The following KLF8 variants were observed in gnomAD, a reference collection of about 807,000 sequenced individuals.
The protein encoded by KLF8 is Krueppel-like factor 8.
A neutral mutation model predicts 18.2 loss-of-function variants in KLF8; 10 were observed. The observed-to-expected ratio is 0.55, with a 90% confidence interval of 0.34 to 0.93. The LOEUF (loss-of-function observed/expected upper bound fraction) is 0.93, where lower values mean the gene tolerates loss of function less well. Ranked by LOEUF, KLF8 falls within the 40% of genes least tolerant of loss-of-function variation. KLF8 has a pLI of 0.02. For missense variants in KLF8, 264 were observed against 277.9 expected (o/e 0.95, Z 0.36); for synonymous variants, 109 against 97.3 (o/e 1.12, Z -0.71).
At position 56,285,603 on chromosome X, in the gene KLF8, ATTCCTGTGT is replaced by A. The variant is rs1398991832; in HGVS notation, c.*1113_*1121del. 7.1e-5 allele frequency: 8 copies of A among 112,211 alleles called. No homozygotes were observed. Among genetic ancestry groups the A allele is most frequent in the Non-Finnish European group, 1.3e-4 (7 of 53,240 alleles). The allele number at this position is 112,211 out of a possible 1,213,427, so 9.2% of individuals were successfully genotyped here. A position where few individuals can be genotyped will look rare whatever the true frequency, so the allele number is the denominator to read the frequency against. ...TCACTCCATGGAATTATTGGCATTC[ATTCCTGTGT>A]TTCAAATGAAACATAGATGCTTTTC... On this transcript the variant is annotated 3_prime_UTR_variant, in exon 6 of 6. Transcript: ENST00000468660.
At chrX:56,107,240 T>C in the KLF8 span, among the ~76,000 whole-genome samples, 1 of 112,270 alleles carries the variant, frequency 8.9e-6, no homozygotes, top group South Asian at 3.7e-4. Context: ...GGAGAACCAC[T>C]GCTCTCTTTA....
At chrX:56,270,381 CGAGAGA>C in intron 5 of KLF8, 60 bp downstream of exon 5, 7 of 779,099 alleles carry the variant, frequency 9.0e-6, no homozygotes, top group Admixed American at 9.5e-5. Context: ...CACACACACA[CGAGAGA>C]GAGAGAGAGA....
the KLF8 span, among the ~76,000 whole-genome samples, chrX:56,050,599 G>C: frequency 2.5e-4 from 28 of 112,254 alleles, no homozygotes; most frequent in Non-Finnish European, 5.3e-4. Flanking sequence ...TCTTAATCCT[G>C]AGTTCTAGTT....
At chrX:55,920,265 A>G in the KLF8 span, among the ~76,000 whole-genome samples, 1 of 111,558 alleles carries the variant, frequency 9.0e-6, no homozygotes, top group African/African-American at 3.3e-5. Context: ...AAATAATCTG[A>G]TCAACAGCCC....
At chrX:56,079,724 ATCTG>A in the KLF8 span, among the ~76,000 whole-genome samples, 1 of 110,280 alleles carries the variant, frequency 9.1e-6, no homozygotes, top group Non-Finnish European at 1.9e-5. Context: ...TGTCTTGTTG[ATCTG>A]TCTAATGTTG....
At chrX:56,026,938 G>T in the KLF8 span, among the ~76,000 whole-genome samples, 6 of 112,715 alleles carry the variant, frequency 5.3e-5, no homozygotes, top group African/African-American at 1.3e-4. Flanking sequence ...GGGACAGAGG[G>T]GTCTTGCTTT....
the KLF8 span, among the ~76,000 whole-genome samples, chrX:55,973,309 T>C: frequency 8.9e-6 from 1 of 111,799 alleles, no homozygotes; most frequent in African/African-American, 3.2e-5. Context: ...CGATTTCATG[T>C]CAAAGACTCC....
chrX:56,091,858 G>T, the KLF8 span, among the ~76,000 whole-genome samples: 1 of 111,477 alleles, frequency 9.0e-6, no homozygotes, highest in Non-Finnish European at 1.9e-5. Flanking sequence ...TTGAATGCTA[G>T]TTCCATTTTT....
At chrX:56,029,312 TG>T in the KLF8 span, among the ~76,000 whole-genome samples, 3 of 111,371 alleles carry the variant, frequency 2.7e-5, no homozygotes, top group Admixed American at 2.9e-4. Context: ...GTAAAGGAAA[TG>T]GTGGCTCTCA....
the KLF8 span, among the ~76,000 whole-genome samples, chrX:56,212,350 C>A: frequency 1.9e-5 from 1 of 53,475 alleles, no homozygotes; most frequent in Non-Finnish European, 5.2e-5. Flanking sequence ...TGTGCCCCCA[C>A]AATCCACTGT....
the KLF8 span, among the ~76,000 whole-genome samples, chrX:55,970,219 C>T: frequency 9.0e-6 from 1 of 110,783 alleles, no homozygotes; most frequent in South Asian, 3.8e-4. Context: ...TTAAAAAGAT[C>T]ATTCATCATG....
the KLF8 span, among the ~76,000 whole-genome samples, chrX:56,221,686 G>C: frequency 6.3e-5 from 7 of 111,565 alleles, no homozygotes; most frequent in African/African-American, 2.3e-4. Flanking sequence ...TTCCTCCCCG[G>C]TGGGTTCGTG....
the KLF8 span, among the ~76,000 whole-genome samples, chrX:55,973,148 G>T: frequency 6.2e-5 from 7 of 112,050 alleles, no homozygotes; most frequent in Non-Finnish European, 1.1e-4. Flanking sequence ...TAACTGGCTA[G>T]CCATAAGCAG....
chrX:55,996,703 T>C, the KLF8 span, among the ~76,000 whole-genome samples: 1 of 111,855 alleles, frequency 8.9e-6, no homozygotes, highest in South Asian at 3.8e-4. Context: ...AGCTTTTTTC[T>C]CTGGCCCCTA....
At chrX:56,174,625 A>G in the KLF8 span, among the ~76,000 whole-genome samples, 1 of 111,878 alleles carries the variant, frequency 8.9e-6, no homozygotes, top group Non-Finnish European at 1.9e-5. Flanking sequence ...TGAGTTAAGG[A>G]GGATTCCCTC....
chrX:56,026,683 C>A, the KLF8 span, among the ~76,000 whole-genome samples: 1 of 112,010 alleles, frequency 8.9e-6, no homozygotes, highest in African/African-American at 3.3e-5. Context: ...ACTAAGTCAA[C>A]CACAAATGCT....
chrX:56,049,679 T>C, the KLF8 span, among the ~76,000 whole-genome samples: 1 of 106,211 alleles, frequency 9.4e-6, no homozygotes, highest in South Asian at 4.3e-4. Flanking sequence ...CAGTATTTTA[T>C]TGAGGATTTT....
chrX:56,077,711 G>T, the KLF8 span, among the ~76,000 whole-genome samples: 1 of 111,616 alleles, frequency 9.0e-6, no homozygotes, highest in Non-Finnish European at 1.9e-5. Flanking sequence ...GGATGGCATT[G>T]AATCTATAAA....
chrX:55,934,341 A>T, the KLF8 span, among the ~76,000 whole-genome samples: 111 of 112,004 alleles, frequency 9.9e-4, no homozygotes, highest in African/African-American at 3.5e-3. Context: ...CCAAAGACTT[A>T]TCAATAATAA....
Sources: allele counts gnomAD v4.1 joint callset (sites outside exome capture counted in the v4.1 genomes callset), GRCh38; gene constraint gnomAD v4.1.1; transcripts MANE v1.5; gene names NCBI Gene and HGNC (gene_info 2026-07-23, HGNC 2026-07-21).